Variants in PTPRM observed in about 807,000 individuals in gnomAD.
The protein encoded by PTPRM is protein tyrosine phosphatase receptor type M, also known as receptor-type tyrosine-protein phosphatase mu.
Under a neutral mutation model 186.7 loss-of-function variants are expected in PTPRM, and 47 were observed. The observed-to-expected ratio is 0.25, with a 90% CI of 0.20 to 0.32. The LOEUF (loss-of-function observed/expected upper bound fraction) is 0.32. Ranked by LOEUF, PTPRM falls within the 10% of genes least tolerant of loss-of-function variation. The pLI is 1.00. For synonymous variants in PTPRM, 668 were observed against 674.9 expected, an observed-to-expected ratio of 0.99 and a Z score of 0.16; for missense variants, 1,494 against 1,865.0, an observed-to-expected ratio of 0.80 and a Z score of 3.66.
At chr18:8,058,109 G>A (rs2088166153) in intron 7 of PTPRM, among the ~76,000 whole-genome samples, 1 of 129,010 alleles carries the variant, frequency 7.8e-6, no homozygotes, top group South Asian at 2.8e-4. Context: ...ATCCTCTCCA[G>A]CACCTGTTGT....
intron 1 of PTPRM, chr18:7,754,634 A>C (rs2041381851): frequency 6.6e-6 from 1 of 151,932 alleles, no homozygotes; most frequent in Non-Finnish European, 1.5e-5. Context: ...TGGCAGTCCC[A>C]CTCCCTGTCA....
chr18:7,902,124 A>G (rs183395846), intron 3 of PTPRM, among the ~76,000 whole-genome samples: 52 of 152,364 alleles, frequency 3.4e-4, no homozygotes, highest in African/African-American at 9.9e-4. Context: ...CTCTGCAATT[A>G]GCTTTAAGTC....
At chr18:8,091,139 A>G (rs2090701228) in intron 11 of PTPRM, among the ~76,000 whole-genome samples, 1 of 152,120 alleles carries the variant, frequency 6.6e-6, no homozygotes, top group African/African-American at 2.4e-5. Context: ...TACATCTATA[A>G]AAATACAGAT....
intron 14 of PTPRM, among the ~76,000 whole-genome samples, chr18:8,161,753 G>A (rs1365166001): frequency 6.6e-6 from 1 of 152,164 alleles, no homozygotes; most frequent in African/African-American, 2.4e-5. Flanking sequence ...ATCATTTCCT[G>A]GTCGTGCTAC....
intron 1 of PTPRM, among the ~76,000 whole-genome samples, chr18:7,726,496 C>T (rs143621112): frequency 2.6e-5 from 4 of 152,204 alleles, no homozygotes; most frequent in African/African-American, 9.6e-5. Context: ...GATTACTAAT[C>T]TTTTACTTGC....
At chr18:7,724,635 A>C (rs1356235199) in intron 1 of PTPRM, among the ~76,000 whole-genome samples, 1 of 152,248 alleles carries the variant, frequency 6.6e-6, no homozygotes, top group Non-Finnish European at 1.5e-5. Context: ...ATATGGGTAC[A>C]TAAAATGGAT....
intron 2 of PTPRM, among the ~76,000 whole-genome samples, chr18:7,791,342 A>G (rs772970957): frequency 2.6e-5 from 4 of 152,170 alleles, no homozygotes; most frequent in Non-Finnish European, 5.9e-5. Context: ...GTAACACTAG[A>G]TGCTGTGACA....
chr18:7,907,975 A>G (rs1007523263), intron 4 of PTPRM, among the ~76,000 whole-genome samples: 2 of 151,444 alleles, frequency 1.3e-5, no homozygotes, highest in African/African-American at 4.9e-5. Context: ...CTATTTTTCT[A>G]GTATTTTATG....
intron 13 of PTPRM, among the ~76,000 whole-genome samples, chr18:8,130,445 C>T (rs1430196722): frequency 2.6e-5 from 4 of 152,018 alleles, no homozygotes; most frequent in African/African-American, 4.8e-5. Context: ...ACGTTTTTGT[C>T]AAAAATTGAT....
intron 5 of PTPRM, among the ~76,000 whole-genome samples, chr18:7,947,678 T>G (rs949974683): frequency 2.6e-5 from 4 of 152,102 alleles, no homozygotes; most frequent in African/African-American, 9.7e-5. Flanking sequence ...AGAATGCTCT[T>G]CCCCTCTCAC....
At chr18:7,950,513 AG>A (rs531883247) in intron 6 of PTPRM, among the ~76,000 whole-genome samples, 1 of 152,210 alleles carries the variant, frequency 6.6e-6, no homozygotes, top group Non-Finnish European at 1.5e-5. Flanking sequence ...TCCCAGAACT[AG>A]GTATGTGGCT....
At chr18:7,615,042 T>G (rs760759950) in intron 1 of PTPRM, among the ~76,000 whole-genome samples, 1 of 152,176 alleles carries the variant, frequency 6.6e-6, no homozygotes, top group Non-Finnish European at 1.5e-5. Flanking sequence ...GTGGCTTTTT[T>G]CTGTATGTTA....
At chr18:7,928,778 G>A (rs2051318027) in intron 5 of PTPRM, among the ~76,000 whole-genome samples, 1 of 152,182 alleles carries the variant, frequency 6.6e-6, no homozygotes, top group Non-Finnish European at 1.5e-5. Context: ...GTTTGTTGAG[G>A]ACATGATTTG....
chr18:8,076,253 GA>G (rs955998423), intron 8 of PTPRM, among the ~76,000 whole-genome samples: 23 of 151,546 alleles, frequency 1.5e-4, no homozygotes, highest in African/African-American at 2.9e-4. Flanking sequence ...AAACTTTTAA[GA>G]AAAAAAATGA....
chr18:7,602,181 A>C (rs1231599800), intron 1 of PTPRM, among the ~76,000 whole-genome samples: 2 of 152,206 alleles, frequency 1.3e-5, no homozygotes, highest in African/African-American at 2.4e-5. Flanking sequence ...GCAGGAGGTG[A>C]CCTCAAGTCA....
intron 14 of PTPRM, among the ~76,000 whole-genome samples, chr18:8,183,214 G>A (rs564025505): frequency 5.8e-4 from 88 of 152,222 alleles, no homozygotes; most frequent in Admixed American, 2.9e-3. Context: ...GCCTTCTCAA[G>A]TATGTCACTT....
intron 1 of PTPRM, among the ~76,000 whole-genome samples, chr18:7,605,513 C>A (rs1442738471): frequency 6.6e-6 from 1 of 151,664 alleles, no homozygotes; most frequent in African/African-American, 2.4e-5. Context: ...TCATTCTTTT[C>A]TCCTATAGAT....
intron 1 of PTPRM, among the ~76,000 whole-genome samples, chr18:7,637,182 A>AC (rs1567997530): frequency 2.1e-4 from 32 of 151,874 alleles, no homozygotes; most frequent in African/African-American, 7.3e-4. Flanking sequence ...AAAAAAAAAA[A>AC]AAAACAGTGT....
rs987837833 is a variant in PTPRM, at chr18:7,792,284, A to G, written c.196+18013A>G. ...CATAGTGGTCTGTATGCTACATTTA[A>G]TTCAGTTTTTACTTTGTGCTGGGGA... On this transcript the variant is annotated intron_variant, in intron 2 of 32. Transcript: ENST00000580170. 5.3e-5 allele frequency among the ~76,000 whole-genome samples: 8 copies of G among 152,248 alleles called. 1 individual carries two copies. The highest frequency in any genetic ancestry group is 3.9e-4 in the Admixed American group (6 of 15,288).
Sources: gnomAD v4.1 joint callset for allele counts (sites outside exome capture counted in the v4.1 genomes callset) on GRCh38, gnomAD v4.1.1 for gene constraint, MANE v1.5 for transcripts, NCBI Gene and HGNC (gene_info 2026-07-23, HGNC 2026-07-21) for gene names.